POLR2B: variants seen among roughly 807,000 people sequenced by gnomAD.
POLR2B encodes the protein DNA-directed RNA polymerase II subunit RPB2.
A neutral mutation model predicts 144.6 loss-of-function variants in POLR2B; 57 were observed. The ratio of observed to expected loss-of-function variants is 0.39; its 90% CI spans 0.32 to 0.49. POLR2B has a LOEUF of 0.49. Among genes scored for constraint, POLR2B ranks in the 20% least tolerant of loss-of-function variants. POLR2B has a pLI of 0.83. For synonymous variants in POLR2B, 442 were observed against 469.8 expected (o/e 0.94, Z 0.77); for missense variants, 595 against 1,467.4 (o/e 0.41, Z 9.71).
At position 57,016,572 on chromosome 4, in the gene POLR2B, G is replaced by A. The variant is rs186472362; in HGVS notation, c.1956-471G>A. ...TAAAATCTATTAATAGTAATAATGC[G>A]AAATAACCTATATAATCTAAATTAT... is the stretch of plus-strand genomic sequence containing the variant. On this transcript the variant is annotated intron_variant, in intron 14 of 24. Transcript: ENST00000314595. 2.3e-3 allele frequency among the ~76,000 whole-genome samples: 351 copies of A among 151,118 alleles called. 4 individuals are homozygous for A. The highest frequency in any genetic ancestry group is 7.8e-3 in the African/African-American group (321 of 41,266).
chr4:56,978,919 T>C lies in POLR2B; in HGVS notation c.-67T>C. On this transcript the variant is annotated 5_prime_UTR_variant, in exon 1 of 25. Coordinates refer to ENST00000314595, the MANE Select transcript of POLR2B (RefSeq NM_000938.3). ...TTACTTCGTCTTTAGCTCCTGGCGC[T>C]GCTGGCTTCTGGGCGGTTTTTGTCT... 1 of 1,487,510 alleles carries C rather than the reference T, an allele frequency of 6.7e-7. No homozygotes were observed. The highest frequency in any genetic ancestry group is 9.4e-7 in the Non-Finnish European group (1 of 1,064,928). 92.1% of individuals were successfully genotyped at this position (1,487,510 alleles called of 1,614,324 possible). A position where few individuals can be genotyped will look rare whatever the true frequency, so the allele number is the denominator to read the frequency against.
At chr4:57,013,725 AT>A (rs891864662) in intron 13 of POLR2B, among the ~76,000 whole-genome samples, 1 of 152,106 alleles carries the variant, frequency 6.6e-6, no homozygotes, top group African/African-American at 2.4e-5. Flanking sequence ...CACAGTGTGT[AT>A]TATGTATTTA....
intron 6 of POLR2B, 65 bp from the exon 7 acceptor site, chr4:56,999,552 T>C: frequency 2.9e-6 from 3 of 1,026,582 alleles, no homozygotes; most frequent in Non-Finnish European, 2.9e-6. Flanking sequence ...AATAGTTCTC[T>C]TGGTGTTTTT....
chr4:57,005,451 A>T lies in POLR2B; in HGVS notation c.1097+9A>T. 6.4e-7 allele frequency: 1 copy of T among 1,551,084 alleles called. No homozygotes were observed. On this transcript the variant is annotated intron_variant, in intron 8 of 24. Transcript: ENST00000314595. ...AAAGCCTATTTCTTGGGGTATGTTA[A>T]GTTTCATTGTTTTAAGTTCTTTATC...
At chr4:56,985,347 C>G in intron 1 of POLR2B, 3 of 985,392 alleles carry the variant, frequency 3.0e-6, no homozygotes, top group Non-Finnish European at 3.6e-6. Context: ...GCCCGGTAGC[C>G]GCGAGGGACC....
At position 57,030,282 on chromosome 4, in the gene POLR2B, ATTGT is replaced by A. The variant is rs759837397; in HGVS notation, c.3322_3325del (p.Phe1108ArgfsTer16). On this transcript the variant is annotated frameshift_variant, in exon 24 of 25. Transcript: ENST00000314595. LOFTEE classifies it high-confidence loss of function. ...GAGCAGCCCAGTTTTTAAGGGAAAG[ATTGT>A]TTGAGGCATCAGATCCATATCAGGT... The A allele has an allele frequency of 1.9e-6, 3 of 1,613,998 alleles. No homozygotes were observed. The highest frequency in any genetic ancestry group is 1.1e-5 in the South Asian group (1 of 91,088).
At position 57,020,975 on chromosome 4, in the gene POLR2B, T is replaced by G; in HGVS notation, c.2400T>G (p.Ala800=). 1.3e-6 allele frequency: 2 copies of G among 1,596,138 alleles called. No individual in the cohort carries two copies. Among genetic ancestry groups the G allele is most frequent in the Non-Finnish European group, 1.7e-6 (2 of 1,163,466 alleles). Residue 800 remains alanine (A), a synonymous_variant, in exon 17 of 25, where the codon GCT becomes GCG. Coordinates refer to ENST00000314595, the MANE Select transcript of POLR2B (RefSeq NM_000938.3). ...ACTCTGTTATCATGAATCGTTCAGC[T>G]GTAGACCGCGGCTTCTTCAGGTTAG... ...QEDSVIMNRS[A]VDRGFFRSVF...
intron 2 of POLR2B, among the ~76,000 whole-genome samples, chr4:56,987,181 G>A (rs867936006): frequency 1.3e-5 from 2 of 152,150 alleles, no homozygotes; most frequent in Non-Finnish European, 2.9e-5. Context: ...ATATCAGGAG[G>A]CATGTTTGTT....
At chr4:56,991,619 C>T (rs985961211) in intron 3 of POLR2B, among the ~76,000 whole-genome samples, 1 of 152,154 alleles carries the variant, frequency 6.6e-6, no homozygotes, top group Non-Finnish European at 1.5e-5. Flanking sequence ...ATCAGTTTCT[C>T]TTCTGTGTAG....
At chr4:56,995,181 G>A (rs907747280) in intron 5 of POLR2B, 70 bp from the exon 6 acceptor site, 19 of 1,162,172 alleles carry the variant, frequency 1.6e-5, no homozygotes, top group Admixed American at 4.5e-5. Context: ...TTAAGATGCA[G>A]ATTTTACTCT....
At chr4:56,986,703 C>T (rs1169564862) in intron 2 of POLR2B, 5 of 222,348 alleles carry the variant, frequency 2.2e-5, no homozygotes, top group African/African-American at 1.2e-4. Context: ...GAGTAACTTG[C>T]AGATCATTTG....
intron 18 of POLR2B, among the ~76,000 whole-genome samples, chr4:57,022,635 G>A (rs1723591477): frequency 6.6e-6 from 1 of 152,184 alleles, no homozygotes; most frequent in South Asian, 2.1e-4. Context: ...AATAACCAGT[G>A]AGAAGAGGAT....
At chr4:57,005,549 C>A in intron 8 of POLR2B, 51 bp from the exon 9 acceptor site, 19 of 1,535,812 alleles carry the variant, frequency 1.2e-5, no homozygotes, top group Non-Finnish European at 1.7e-5. Flanking sequence ...AAAAAAAAGT[C>A]CAAAACTAAG....
chr4:57,014,206 G>T (rs1723290326), intron 13 of POLR2B, among the ~76,000 whole-genome samples: 1 of 151,934 alleles, frequency 6.6e-6, no homozygotes, highest in Non-Finnish European at 1.5e-5. Flanking sequence ...TTGTTGTTTT[G>T]TTTTTTGAGA....
intron 14 of POLR2B, among the ~76,000 whole-genome samples, chr4:57,016,205 C>G (rs927741962): frequency 5.9e-5 from 9 of 152,148 alleles, no homozygotes; most frequent in Non-Finnish European, 8.8e-5. Context: ...TTTTTCTTAA[C>G]TTCTATTATG....
chr4:57,012,292 C>T (rs1221343478), intron 13 of POLR2B, among the ~76,000 whole-genome samples: 2 of 151,992 alleles, frequency 1.3e-5, no homozygotes, highest in African/African-American at 4.8e-5. Context: ...GTAGTCCCAG[C>T]TACTCGGGAA....
rs150188470 is a variant in POLR2B, at chr4:57,026,889, G to T, written c.3239+1352G>T. On this transcript the variant is annotated intron_variant, in intron 23 of 24. Coordinates refer to ENST00000314595, the MANE Select transcript of POLR2B (RefSeq NM_000938.3). Reference sequence around the variant, plus strand: ...ATCTCTCTAATGACCTGGCTTAATAGAAACAGCTGGATTCTTACATCTACT... The same window carrying T: ...ATCTCTCTAATGACCTGGCTTAATATAAACAGCTGGATTCTTACATCTACT... Among the ~76,000 whole-genome samples the T allele has an allele frequency of 4.6e-5, 7 of 152,340 alleles. No homozygotes were observed. The East Asian group carries it at 1.3e-3, about 29-fold the overall frequency.
chr4:57,005,859 C>G (rs768017098), intron 9 of POLR2B, 140 bp downstream of exon 9: 100 of 726,270 alleles, frequency 1.4e-4, no homozygotes, highest in Non-Finnish European at 1.9e-4. Context: ...TTGCTATTTG[C>G]TCAGATTTAG....
At chr4:57,029,336 A>G (rs1723833373) in intron 23 of POLR2B, among the ~76,000 whole-genome samples, 1 of 152,270 alleles carries the variant, frequency 6.6e-6, no homozygotes, top group East Asian at 1.9e-4. Context: ...CTGTTTGGTT[A>G]CCTAGTGATG....
Sources: gnomAD v4.1 joint callset for allele counts (sites outside exome capture counted in the v4.1 genomes callset) on GRCh38, gnomAD v4.1.1 for gene constraint, MANE v1.5 for transcripts, NCBI Gene and HGNC (gene_info 2026-07-23, HGNC 2026-07-21) for gene names.